PCSK6: variants seen among roughly 807,000 people sequenced by gnomAD.
The protein encoded by PCSK6 is proprotein convertase subtilisin/kexin type 6.
In PCSK6, 85 loss-of-function variants were observed where a neutral mutation model predicts 123.3. That is an observed-to-expected ratio of 0.69 (90% CI 0.58 to 0.83). The LOEUF is 0.83. PCSK6 is among the 40% of genes least tolerant of loss of function. The probability of loss-of-function intolerance (pLI) is 0.00; values close to 1 mark genes in which losing one functional copy is unlikely to be tolerated. For missense variants in PCSK6, 1,191 were observed against 1,282.3 expected (o/e 0.93, Z 1.09); for synonymous variants, 508 against 516.0 (o/e 0.98, Z 0.21).
chr15:101,399,127 C>T (rs576907724), intron 6 of PCSK6, among the ~76,000 whole-genome samples: 195 of 152,308 alleles, frequency 1.3e-3, no homozygotes, highest in Non-Finnish European at 2.1e-3. Context: ...TCTCGAACTC[C>T]TGACCTCAAG....
At chr15:101,472,131 G>C (rs1345161675) in intron 1 of PCSK6, among the ~76,000 whole-genome samples, 1 of 152,238 alleles carries the variant, frequency 6.6e-6, no homozygotes, top group Non-Finnish European at 1.5e-5. Context: ...CCAGCAAGGG[G>C]ACACAGGCAG....
Position 101,318,454 on chromosome 15 carries a change from C to G in PCSK6, c.2466-32G>C, listed in dbSNP as rs540649175. The G allele has an allele frequency of 5.9e-6, 9 of 1,518,968 alleles. No individual in the cohort carries two copies. In the African/African-American group the frequency reaches 8.3e-5, roughly 14 times the overall value. 94.1% of individuals were successfully genotyped at this position (1,518,968 alleles called of 1,614,324 possible). On this transcript the variant is annotated intron_variant, in intron 18 of 21. Transcript: ENST00000611716. ...AAAAGAAAGAGGCAGATTTCCACAT[C>G]CATTCCAAAAGTCTAATTATGACTT...
chr15:101,313,685 G>A, intron 19 of PCSK6, 180 bp from the exon 20 acceptor site: 1 of 803,222 alleles, frequency 1.2e-6, no homozygotes, highest in Non-Finnish European at 1.9e-6. Flanking sequence ...CAGGAGGTGG[G>A]CATCGCCATC....
intron 17 of PCSK6, among the ~76,000 whole-genome samples, chr15:101,323,778 G>A (rs891636346): frequency 9.3e-5 from 14 of 150,904 alleles, no homozygotes; most frequent in East Asian, 5.8e-4. Context: ...GGCTTTATAC[G>A]TCTTTTAAGA....
intron 1 of PCSK6, among the ~76,000 whole-genome samples, chr15:101,485,474 T>C (rs1017201387): frequency 3.3e-5 from 5 of 152,258 alleles, no homozygotes; most frequent in African/African-American, 1.2e-4. Context: ...TCATAACTTG[T>C]GTAGGGACTC....
intron 1 of PCSK6, among the ~76,000 whole-genome samples, chr15:101,482,717 G>A (rs979175317): frequency 6.6e-6 from 1 of 152,100 alleles, no homozygotes; most frequent in African/African-American, 2.4e-5. Context: ...TGCTTCCCTG[G>A]TTTCCGCCCA....
chr15:101,438,247 C>A (rs2056658812), intron 2 of PCSK6, among the ~76,000 whole-genome samples: 1 of 152,218 alleles, frequency 6.6e-6, no homozygotes, highest in Non-Finnish European at 1.5e-5. Flanking sequence ...ACTGTCTGTA[C>A]CTCTGTTATT....
intron 12 of PCSK6, among the ~76,000 whole-genome samples, chr15:101,369,499 G>A (rs2955966): frequency 2.0e-5 from 3 of 152,220 alleles, no homozygotes; most frequent in East Asian, 3.9e-4. Flanking sequence ...GTCCTGGGGG[G>A]CTTCCTGCAG....
chr15:101,471,712 ACTT>A (rs2057608678), intron 1 of PCSK6, among the ~76,000 whole-genome samples: 1 of 152,196 alleles, frequency 6.6e-6, no homozygotes, highest in Non-Finnish European at 1.5e-5. Flanking sequence ...AAATGTACAC[ACTT>A]GTATAACTCA....
At chr15:101,415,847 A>G (rs2055868614) in intron 6 of PCSK6, among the ~76,000 whole-genome samples, 1 of 152,170 alleles carries the variant, frequency 6.6e-6, no homozygotes, top group Non-Finnish European at 1.5e-5. Context: ...ACCACCATAT[A>G]AGAAGTGGCT....
chr15:101,420,926 T>C (rs940440974), intron 6 of PCSK6, among the ~76,000 whole-genome samples: 1 of 152,110 alleles, frequency 6.6e-6, no homozygotes, highest in Non-Finnish European at 1.5e-5. Context: ...CTAGGGAAAC[T>C]GGGGGTTGAA....
chr15:101,414,877 TTG>T (rs2055832226), intron 6 of PCSK6, among the ~76,000 whole-genome samples: 1 of 152,194 alleles, frequency 6.6e-6, no homozygotes, highest in Non-Finnish European at 1.5e-5. Flanking sequence ...GACTCTTCAA[TTG>T]TGTTAAAATA....
At chr15:101,446,282 C>T (rs2056887585) in intron 1 of PCSK6, among the ~76,000 whole-genome samples, 1 of 152,264 alleles carries the variant, frequency 6.6e-6, no homozygotes, top group Non-Finnish European at 1.5e-5. Flanking sequence ...TGTCATTCAG[C>T]ATAATGTGCT....
intron 1 of PCSK6, among the ~76,000 whole-genome samples, chr15:101,450,028 C>T (rs1232684746): frequency 6.6e-6 from 1 of 152,128 alleles, no homozygotes; most frequent in East Asian, 1.9e-4. Context: ...CAACACTGCA[C>T]CCTCGCCATC....
intron 13 of PCSK6, among the ~76,000 whole-genome samples, chr15:101,348,971 C>T (rs910149675): frequency 1.3e-4 from 20 of 152,364 alleles, no homozygotes; most frequent in African/African-American, 4.8e-4. Context: ...CGTAACTGAT[C>T]TGTGCCCCGA....
intron 2 of PCSK6, 44 bp downstream of exon 2, chr15:101,443,512 C>T: frequency 7.2e-7 from 1 of 1,393,862 alleles, no homozygotes; most frequent in Non-Finnish European, 1.0e-6. Context: ...AGACCACAGA[C>T]CCAAACCCTC....
intron 1 of PCSK6, among the ~76,000 whole-genome samples, chr15:101,466,412 C>T (rs1190862501): frequency 1.3e-5 from 2 of 152,090 alleles, no homozygotes; most frequent in East Asian, 1.9e-4. Context: ...CTGGTGAGAC[C>T]GTGAAGGGTG....
chr15:101,331,581 T>G (rs1383448892), intron 15 of PCSK6, 70 bp downstream of exon 15: 6 of 1,428,508 alleles, frequency 4.2e-6, no homozygotes, highest in South Asian at 1.2e-5. Flanking sequence ...CCCATTCTGG[T>G]TGGGCATATA....
intron 7 of PCSK6, among the ~76,000 whole-genome samples, chr15:101,394,770 G>A (rs116857165): frequency 0.048 from 7,351 of 152,278 alleles, 251 homozygotes; most frequent in South Asian, 0.075. Context: ...CACACCACGG[G>A]GGTTTGTAAA....
Sources: gnomAD v4.1 joint callset for allele counts (sites outside exome capture counted in the v4.1 genomes callset) on GRCh38, gnomAD v4.1.1 for gene constraint, MANE v1.5 for transcripts, NCBI Gene and HGNC (gene_info 2026-07-23, HGNC 2026-07-21) for gene names.